Variants in GAREM1 observed in about 807,000 individuals in gnomAD.
GAREM1 encodes GRB2-associated and regulator of MAPK protein 1.
A neutral mutation model predicts 71.3 loss-of-function variants in GAREM1; 26 were observed. That is an observed-to-expected ratio of 0.36 (90% CI 0.27 to 0.51). GAREM1 has a LOEUF of 0.51. GAREM1 is among the 20% of genes least tolerant of loss of function. The pLI, the probability that GAREM1 is intolerant of heterozygous loss-of-function variation, is 0.95. For missense variants in GAREM1, 1,026 were observed against 1,103.1 expected (o/e 0.93, Z 0.99); for synonymous variants, 440 against 433.2 (o/e 1.02, Z -0.20).
chr18:32,364,007 TATATA>T (rs1567980566), intron 2 of GAREM1, among the ~76,000 whole-genome samples: 25 of 48,004 alleles, frequency 5.2e-4, no homozygotes, highest in African/African-American at 2.3e-3. Context: ...TATATATATA[TATATA>T]TATATATATA....
intron 1 of GAREM1, among the ~76,000 whole-genome samples, chr18:32,411,670 C>G (rs1328254701): frequency 3.3e-5 from 5 of 151,924 alleles, no homozygotes; most frequent in African/African-American, 4.8e-5. Flanking sequence ...TTTGGGTAAT[C>G]CCTTTTAATG....
At chr18:32,411,528 T>C (rs2048417053) in intron 1 of GAREM1, among the ~76,000 whole-genome samples, 2 of 152,220 alleles carry the variant, frequency 1.3e-5, no homozygotes, top group African/African-American at 2.4e-5. Context: ...AAATTGTTTA[T>C]TGATTACACA....
rs775732167 is a variant in GAREM1 at position 32,470,389 on chromosome 18, C to T, written c.40G>A (p.Val14Met). Reference protein sequence around the residue: ...APSLGCSLKDVKWSSVAVPLD... With the variant: ...APSLGCSLKDMKWSSVAVPLD... ...GGCACGGCCACCGAGCTCCACTTCA[C>T]ATCCTTGAGGCTGCAGCCCAGCGAG... Residue 14 changes from valine to methionine, a missense_variant, in exon 1 of 6, where the codon GTG (valine) becomes ATG (methionine). This residue lies in a region of GAREM1 where 172 missense variants were observed against 175.2 expected (regional missense o/e 0.98). Coordinates refer to ENST00000269209, the MANE Select transcript of GAREM1 (RefSeq NM_001242409.2). This position sits in a 1 kb window ranked among gnomAD's most constrained non-coding sequence, Gnocchi z 4.4. 53 of 1,563,608 alleles carry T rather than the reference C, an allele frequency of 3.4e-5. No homozygotes were observed. The Admixed American group carries it at 3.6e-4, about 11-fold the overall frequency.
chr18:32,436,523 CTCTG>C (rs1427734937), intron 1 of GAREM1, among the ~76,000 whole-genome samples: 1 of 152,174 alleles, frequency 6.6e-6, no homozygotes, highest in Admixed American at 6.5e-5. Flanking sequence ...GAAGCCAGCC[CTCTG>C]TCTGTTGCTA....
chr18:32,379,463 G>C (rs1259953251), intron 2 of GAREM1, among the ~76,000 whole-genome samples: 5 of 129,394 alleles, frequency 3.9e-5, no homozygotes, highest in African/African-American at 1.4e-4. Flanking sequence ...GGGAGGCCGG[G>C]GGGGGTGGGG....
At chr18:32,302,902 T>C (rs865991044) in intron 3 of GAREM1, among the ~76,000 whole-genome samples, 1 of 152,228 alleles carries the variant, frequency 6.6e-6, no homozygotes, top group African/African-American at 2.4e-5. Context: ...GTGGCTCTGC[T>C]GCTAGGCACT....
intron 3 of GAREM1, 72 bp downstream of exon 3, chr18:32,310,121 T>G: frequency 6.6e-7 from 1 of 1,514,982 alleles, no homozygotes; most frequent in Non-Finnish European, 9.1e-7. Context: ...GAACACTTAC[T>G]GTGTACATCC....
At position 32,267,021 on chromosome 18, in the gene GAREM1, T is replaced by C. The variant is rs1306267487; in HGVS notation, c.*850A>G. On this transcript the variant is annotated 3_prime_UTR_variant, in exon 6 of 6. Coordinates refer to ENST00000269209, the MANE Select transcript of GAREM1 (RefSeq NM_001242409.2). ...GATTGAGCTTCAAGAGACAGGGTTC[T>C]GAGAATCTTTGGAGTCATTCTGTCC... 6.6e-6 allele frequency: 1 copy of C among 152,242 alleles called. No homozygotes were observed. The highest frequency in any genetic ancestry group is 1.5e-5 in the Non-Finnish European group (1 of 68,038). 9.4% of individuals were successfully genotyped at this position (152,242 alleles called of 1,614,324 possible).
intron 1 of GAREM1, among the ~76,000 whole-genome samples, chr18:32,433,356 T>C (rs771056303): frequency 3.9e-4 from 59 of 151,612 alleles, no homozygotes; most frequent in Middle Eastern, 3.4e-3. Context: ...ACAAATGTTT[T>C]CCCCCTAAAA....
At chr18:32,321,665 C>T (rs1441970675) in intron 2 of GAREM1, among the ~76,000 whole-genome samples, 1 of 152,130 alleles carries the variant, frequency 6.6e-6, no homozygotes, top group Non-Finnish European at 1.5e-5. Context: ...GATGGTCATC[C>T]TTGACACTTT....
chr18:32,354,319 TTA>T (rs1428133459), intron 2 of GAREM1, among the ~76,000 whole-genome samples: 1 of 152,168 alleles, frequency 6.6e-6, no homozygotes, highest in Non-Finnish European at 1.5e-5. Flanking sequence ...GACAACTGTA[TTA>T]TATAATATAT....
chr18:32,390,792 C>A (rs1373145228), intron 2 of GAREM1, among the ~76,000 whole-genome samples: 1 of 152,216 alleles, frequency 6.6e-6, no homozygotes, highest in African/African-American at 2.4e-5. Flanking sequence ...GGGTTCCCAA[C>A]ACTGGCTGTA....
At chr18:32,316,709 G>T (rs1036813212) in intron 2 of GAREM1, among the ~76,000 whole-genome samples, 16 of 152,268 alleles carry the variant, frequency 1.1e-4, no homozygotes, top group African/African-American at 4.8e-5. Flanking sequence ...GCCTCCCAAA[G>T]TGTGCTGGGA....
chr18:32,411,346 A>G (rs1396878082), intron 1 of GAREM1, among the ~76,000 whole-genome samples: 1 of 152,234 alleles, frequency 6.6e-6, no homozygotes, highest in Admixed American at 6.5e-5. Context: ...AGGGATTTTC[A>G]GTGTCAGTTT....
chr18:32,456,274 C>T (rs1323065474), intron 1 of GAREM1, among the ~76,000 whole-genome samples: 1 of 151,924 alleles, frequency 6.6e-6, no homozygotes, highest in Non-Finnish European at 1.5e-5. Context: ...ACAGAAAAAC[C>T]AACAGAAAGT....
intron 1 of GAREM1, among the ~76,000 whole-genome samples, chr18:32,423,849 T>A (rs1381940542): frequency 6.6e-6 from 1 of 152,172 alleles, no homozygotes; most frequent in Non-Finnish European, 1.5e-5. Context: ...TATTAAGAAA[T>A]GGAGCTGGGC....
At chr18:32,357,781 T>G (rs559784785) in intron 2 of GAREM1, among the ~76,000 whole-genome samples, 1 of 152,202 alleles carries the variant, frequency 6.6e-6, no homozygotes, top group African/African-American at 2.4e-5. Context: ...ATACTAAACA[T>G]AGCTATACAG....
At chr18:32,314,786 A>G (rs978476350) in intron 2 of GAREM1, among the ~76,000 whole-genome samples, 41 of 151,980 alleles carry the variant, frequency 2.7e-4, no homozygotes, top group African/African-American at 9.4e-4. Flanking sequence ...GCAGGGTTTC[A>G]CCATGTTGGT....
chr18:32,396,427 C>T (rs2048256625), intron 1 of GAREM1, among the ~76,000 whole-genome samples: 1 of 152,182 alleles, frequency 6.6e-6, no homozygotes, highest in Non-Finnish European at 1.5e-5. Context: ...AGACGAATGG[C>T]TAACTAGAAT....
Sources: allele counts gnomAD v4.1 joint callset (sites outside exome capture counted in the v4.1 genomes callset), GRCh38; gene constraint gnomAD v4.1.1; regional missense constraint gnomAD v4.1.1; non-coding constraint Gnocchi (gnomAD v3.1); transcripts MANE v1.5; gene names NCBI Gene and HGNC (gene_info 2026-07-23, HGNC 2026-07-21).